DLC1: variants seen among roughly 807,000 people sequenced by gnomAD.
DLC1 encodes the protein rho GTPase-activating protein 7.
DLC1 carries 54 observed loss-of-function variants against 140.3 expected under a neutral mutation model. The ratio of observed to expected loss-of-function variants is 0.38; its 90% confidence interval spans 0.31 to 0.48. The LOEUF (loss-of-function observed/expected upper bound fraction) is 0.48, where lower values mean the gene tolerates loss of function less well. DLC1 is among the 20% of genes least tolerant of loss of function. DLC1 has a pLI of 0.96. For synonymous variants in DLC1, 986 were observed against 728.1 expected, an observed-to-expected ratio of 1.35 and a Z score of -5.70; for missense variants, 2,536 against 1,907.0, an observed-to-expected ratio of 1.33 and a Z score of -6.14.
At chr8:13,091,170 A>T in intron 14 of DLC1, 148 bp downstream of exon 14, 1 of 648,328 alleles carries the variant, frequency 1.5e-6, no homozygotes, top group Non-Finnish European at 2.6e-6. Flanking sequence ...ACATTATAAT[A>T]TATGTAAATA....
chr8:13,301,953 C>G (rs1832213332), intron 5 of DLC1, among the ~76,000 whole-genome samples: 1 of 152,138 alleles, frequency 6.6e-6, no homozygotes, highest in Non-Finnish European at 1.5e-5. Flanking sequence ...GAAACTGGTT[C>G]CTGGTGCCAA....
At chr8:13,209,455 T>C (rs2117101165) in intron 5 of DLC1, among the ~76,000 whole-genome samples, 1 of 152,258 alleles carries the variant, frequency 6.6e-6, no homozygotes, top group Non-Finnish European at 1.5e-5. Context: ...CATCAGTCTG[T>C]CTGACAAAAT....
intron 14 of DLC1, 119 bp downstream of exon 14, chr8:13,091,199 T>C (rs1473148240): frequency 3.8e-6 from 3 of 796,502 alleles, no homozygotes; most frequent in Non-Finnish European, 6.1e-6. Flanking sequence ...TCAGGCTATT[T>C]ATACCGTCTC....
At chr8:13,288,946 C>T (rs967055782) in intron 5 of DLC1, among the ~76,000 whole-genome samples, 2 of 152,112 alleles carry the variant, frequency 1.3e-5, no homozygotes, top group Non-Finnish European at 2.9e-5. Flanking sequence ...TATATATGGC[C>T]TTTTATATGG....
chr8:13,411,138 C>T (rs980652942), intron 2 of DLC1, among the ~76,000 whole-genome samples: 5 of 152,146 alleles, frequency 3.3e-5, no homozygotes, highest in Non-Finnish European at 5.9e-5. Context: ...CAACTTTATT[C>T]ATACTTGCTG....
At chr8:13,267,737 T>A (rs1402555366) in intron 5 of DLC1, among the ~76,000 whole-genome samples, 2 of 124,218 alleles carry the variant, frequency 1.6e-5, no homozygotes, top group Non-Finnish European at 3.4e-5. Context: ...GGAGTGTGTG[T>A]GTGTGTGTGT....
intron 1 of DLC1, among the ~76,000 whole-genome samples, chr8:13,527,778 A>G (rs1802965825): frequency 6.6e-6 from 1 of 152,172 alleles, no homozygotes; most frequent in Admixed American, 6.6e-5. Flanking sequence ...TTTGTCAAAT[A>G]GGTATGAAAC....
intron 2 of DLC1, among the ~76,000 whole-genome samples, chr8:13,493,172 T>G (rs1801342556): frequency 6.6e-6 from 1 of 152,192 alleles, no homozygotes; most frequent in African/African-American, 2.4e-5. Flanking sequence ...GCCTGTGTCA[T>G]TAAAACCAGT....
chr8:13,493,226 C>T (rs539630489), intron 2 of DLC1, among the ~76,000 whole-genome samples: 1 of 152,294 alleles, frequency 6.6e-6, no homozygotes, highest in Admixed American at 6.5e-5. Context: ...AATTTATCTG[C>T]AGAGCTATAT....
intron 5 of DLC1, among the ~76,000 whole-genome samples, chr8:13,139,288 C>CAAAAAAA (rs67684524): frequency 2.2e-4 from 11 of 49,278 alleles, no homozygotes; most frequent in African/African-American, 2.8e-4. Context: ...GACCCTGTCT[C>CAAAAAAA]AAAAAAAAAA....
chr8:13,506,579 G>GTA (rs1174731445), intron 1 of DLC1, among the ~76,000 whole-genome samples: 4 of 7,066 alleles, frequency 5.7e-4, no homozygotes, highest in African/African-American at 1.1e-3. Context: ...GTGTGTGTGT[G>GTA]TGTATATATA....
At chr8:13,396,109 G>C (rs576603863) in intron 3 of DLC1, among the ~76,000 whole-genome samples, 50 of 147,004 alleles carry the variant, frequency 3.4e-4, no homozygotes, top group African/African-American at 1.2e-3. Context: ...GCCCAGGCTG[G>C]AGTGCAGTGG....
In DLC1 at chr8:13,094,928, C is replaced by T. The variant is rs1406917732; in HGVS notation, c.3357G>A (p.Lys1119=). ...QVGLFRKSGV[K]SRIQALRQMN... ...TCTGGCGCAGAGCCTGAATCCGGGA[C>T]TTGACCCCCGATTTTCTGAAGAGCC... is the stretch of plus-strand genomic sequence containing the variant. The change falls in exon 12 of 18, where the codon AAG becomes AAA. Residue 1119 remains lysine (K), a synonymous_variant. Coordinates refer to ENST00000276297, the MANE Select transcript of DLC1 (RefSeq NM_182643.3). 8.1e-6 allele frequency: 13 copies of T among 1,614,090 alleles called. No individual in the cohort carries two copies. Among genetic ancestry groups the T allele is most frequent in the Non-Finnish European group, 1.1e-5 (13 of 1,180,036 alleles).
Position 13,086,433 on chromosome 8 carries a change from G to C in DLC1, c.4323C>G (p.Ala1441=), listed in dbSNP as rs1342874378. 6.2e-7 allele frequency: 1 copy of C among 1,614,106 alleles called. No homozygotes were observed. Among genetic ancestry groups the C allele is most frequent in the Non-Finnish European group, 8.5e-7 (1 of 1,180,056 alleles). ...CCACAGAGGTTAGTAAAAGGGCACAGGCTCCTTTGGGTAAATTAGTCCTCC... is the reference window on the plus strand; with the variant it reads ...CCACAGAGGTTAGTAAAAGGGCACACGCTCCTTTGGGTAAATTAGTCCTCC... ...RTWRTNLPKG[A]CALLLTSVDH... is the part of the protein sequence containing the mutation. The change falls in exon 17 of 18, where the codon GCC becomes GCG. Residue 1441 remains alanine (A), a synonymous_variant. Coordinates refer to ENST00000276297, the MANE Select transcript of DLC1 (RefSeq NM_182643.3).
chr8:13,320,187 A>T (rs984408354), intron 4 of DLC1, among the ~76,000 whole-genome samples: 1 of 152,156 alleles, frequency 6.6e-6, no homozygotes. Context: ...AATTGGCACT[A>T]TGTCAAATGA....
chr8:13,092,976 G>T, intron 12 of DLC1, 151 bp from the exon 13 acceptor site: 2 of 880,338 alleles, frequency 2.3e-6, no homozygotes, highest in Non-Finnish European at 3.4e-6. Context: ...TACGGTAAAA[G>T]TTATGAATTG....
chr8:13,221,722 G>GTATA (rs372189535), intron 5 of DLC1, among the ~76,000 whole-genome samples: 4,634 of 131,092 alleles, frequency 0.035, 138 homozygotes, highest in African/African-American at 0.088. Flanking sequence ...ATGTGTGTGT[G>GTATA]TGTGTATATA....
At position 13,242,844 on chromosome 8, in the gene DLC1, AT is replaced by A. The variant is rs202207459; in HGVS notation, c.1348+62424del. ...AAATATTACTTTAACATTTTTAGCA[AT>A]TTTTTTTTTACCAGTTTAGTGAGCA... On this transcript the variant is annotated intron_variant, in intron 5 of 17. Coordinates refer to ENST00000276297, the MANE Select transcript of DLC1 (RefSeq NM_182643.3). Among the ~76,000 whole-genome samples the A allele has an allele frequency of 3.7e-3, 552 of 150,176 alleles. 2 individuals are homozygous for A. Among genetic ancestry groups the A allele is most frequent in the Non-Finnish European group, 5.9e-3 (399 of 67,400 alleles).
At chr8:13,491,117 C>T (rs777212113) in intron 2 of DLC1, among the ~76,000 whole-genome samples, 15 of 147,852 alleles carry the variant, frequency 1.0e-4, no homozygotes, top group Non-Finnish European at 7.4e-5. Context: ...TATATATATT[C>T]AGATTTAATA....
Sources: allele counts gnomAD v4.1 joint callset (sites outside exome capture counted in the v4.1 genomes callset), GRCh38; gene constraint gnomAD v4.1.1; transcripts MANE v1.5; gene names NCBI Gene and HGNC (gene_info 2026-07-23, HGNC 2026-07-21).